ZNF804B: variants seen among roughly 807,000 people sequenced by gnomAD.
ZNF804B encodes zinc finger protein 804B.
In ZNF804B, 80 loss-of-function variants were observed where a neutral mutation model predicts 101.4. The observed-to-expected ratio is 0.79, with a 90% CI of 0.66 to 0.95. The LOEUF is 0.95. Among genes scored for constraint, ZNF804B ranks in the 40% least tolerant of loss-of-function variants. The probability of loss-of-function intolerance (pLI) is 0.00; values close to 1 mark genes in which losing one functional copy is unlikely to be tolerated. For synonymous variants in ZNF804B, 622 were observed against 558.8 expected (o/e 1.11, Z -1.59); for missense variants, 1,673 against 1,561.9 (o/e 1.07, Z -1.20).
intron 1 of ZNF804B, among the ~76,000 whole-genome samples, chr7:88,997,540 C>T (rs899186591): frequency 6.6e-6 from 1 of 151,970 alleles, no homozygotes; most frequent in Non-Finnish European, 1.5e-5. Flanking sequence ...ATTTAAGTGC[C>T]TACATGTGGC....
At chr7:89,101,520 T>G (rs996126606) in intron 1 of ZNF804B, among the ~76,000 whole-genome samples, 1 of 151,892 alleles carries the variant, frequency 6.6e-6, no homozygotes, top group African/African-American at 2.4e-5. Context: ...TATAAAGAAG[T>G]CTAACTCACA....
intron 2 of ZNF804B, among the ~76,000 whole-genome samples, chr7:89,291,882 G>T (rs188260392): frequency 6.6e-6 from 1 of 152,066 alleles, no homozygotes; most frequent in Non-Finnish European, 1.5e-5. Flanking sequence ...CCTAAAAGCA[G>T]CAAGAGAAAA....
Position 89,289,297 on chromosome 7 carries a change from G to A in ZNF804B, c.250-38047G>A, listed in dbSNP as rs370713725. Among the ~76,000 whole-genome samples the A allele has an allele frequency of 6.6e-5, 10 of 152,040 alleles. No individual in the cohort carries two copies. In the South Asian group the frequency reaches 1.0e-3, roughly 16 times the overall value. ...GCAAGATGGCCAAATAGAAGGCTCC[G>A]TTGATCGTCTGCCCCATAGGAACAC... On this transcript the variant is annotated intron_variant, in intron 2 of 3. Coordinates refer to ENST00000333190, the MANE Select transcript of ZNF804B (RefSeq NM_181646.5).
At chr7:89,021,788 G>T (rs560213380) in intron 1 of ZNF804B, among the ~76,000 whole-genome samples, 5 of 152,172 alleles carry the variant, frequency 3.3e-5, no homozygotes, top group Non-Finnish European at 7.4e-5. Flanking sequence ...GGGAGGTAAA[G>T]TGGCTACTGG....
At chr7:88,916,121 A>C (rs1289854206) in intron 1 of ZNF804B, among the ~76,000 whole-genome samples, 1 of 152,102 alleles carries the variant, frequency 6.6e-6, no homozygotes, top group Non-Finnish European at 1.5e-5. Context: ...GTTGGTTTCA[A>C]AGGCTCTTTG....
intron 1 of ZNF804B, among the ~76,000 whole-genome samples, chr7:88,783,560 C>T (rs1790259039): frequency 6.6e-6 from 1 of 152,106 alleles, no homozygotes. Flanking sequence ...AGATGCTGAT[C>T]ATTGTCGAAG....
At chr7:88,809,419 C>T (rs1790747758) in intron 1 of ZNF804B, among the ~76,000 whole-genome samples, 1 of 152,096 alleles carries the variant, frequency 6.6e-6, no homozygotes, top group South Asian at 2.1e-4. Context: ...ATCTACCAAC[C>T]TACCTACCTA....
chr7:89,077,450 G>A (rs1789632405), intron 1 of ZNF804B, among the ~76,000 whole-genome samples: 1 of 151,978 alleles, frequency 6.6e-6, no homozygotes, highest in Admixed American at 6.6e-5. Flanking sequence ...ATCTTATTTA[G>A]AGCAACCTGT....
chr7:89,233,418 T>A (rs1789229586), intron 2 of ZNF804B, among the ~76,000 whole-genome samples: 1 of 152,176 alleles, frequency 6.6e-6, no homozygotes, highest in African/African-American at 2.4e-5. Context: ...ATGTATTTTT[T>A]ATGAAATCCT....
chr7:89,309,759 C>CAAAAAAAAAAAAAAAAAAAAAAAAA (rs397791531), intron 2 of ZNF804B, among the ~76,000 whole-genome samples: 1 of 70,822 alleles, frequency 1.4e-5, no homozygotes, highest in African/African-American at 6.4e-5. Flanking sequence ...GACCCTGTCT[C>CAAAAAAAAAAAAAAAAAAAAAAAAA]AAAAAAAAAA....
intron 1 of ZNF804B, among the ~76,000 whole-genome samples, chr7:88,824,775 C>T (rs568066639): frequency 6.6e-6 from 1 of 152,108 alleles, no homozygotes; most frequent in South Asian, 2.1e-4. Context: ...AACCCTATCC[C>T]AGAATTAAAG....
intron 1 of ZNF804B, among the ~76,000 whole-genome samples, chr7:88,867,436 G>T (rs557509505): frequency 6.6e-6 from 1 of 152,280 alleles, no homozygotes; most frequent in African/African-American, 2.4e-5. Flanking sequence ...GAAAAAGGGT[G>T]TCCCAGATCC....
At chr7:88,770,317 T>C (rs573974843) in intron 1 of ZNF804B, among the ~76,000 whole-genome samples, 1 of 152,250 alleles carries the variant, frequency 6.6e-6, no homozygotes, top group South Asian at 2.1e-4. Flanking sequence ...ACAAGGGTCA[T>C]AAGAGGGAGG....
At chr7:89,148,569 A>T (rs1369028964) in intron 1 of ZNF804B, among the ~76,000 whole-genome samples, 2 of 152,206 alleles carry the variant, frequency 1.3e-5, no homozygotes, top group Admixed American at 1.3e-4. Context: ...TTATGTATTT[A>T]AAAATATTAA....
Position 89,074,774 on chromosome 7 carries a change from A to G in ZNF804B, c.109-143381A>G, listed in dbSNP as rs530921208. Among the ~76,000 whole-genome samples the G allele has an allele frequency of 5.3e-5, 8 of 152,316 alleles. No homozygotes were observed. In the East Asian group the frequency reaches 1.5e-3, roughly 29 times the overall value. ...GGAGGGCACAGAAGAAGACAGGAAA[A>G]TATGGAAAAGTTTGGAATTTCCTAG... On this transcript the variant is annotated intron_variant, in intron 1 of 3. Transcript: ENST00000333190.
chr7:89,166,395 T>G (rs1172594148), intron 1 of ZNF804B, among the ~76,000 whole-genome samples: 1 of 152,198 alleles, frequency 6.6e-6, no homozygotes, highest in Non-Finnish European at 1.5e-5. Context: ...TTTTATATGT[T>G]ATGTGTATCA....
chr7:88,890,668 C>A (rs539621754), intron 1 of ZNF804B, among the ~76,000 whole-genome samples: 1 of 151,964 alleles, frequency 6.6e-6, no homozygotes, highest in Non-Finnish European at 1.5e-5. Flanking sequence ...AATGGAACCA[C>A]GTTTTATGGT....
chr7:88,826,974 C>T (rs1277148321), intron 1 of ZNF804B, among the ~76,000 whole-genome samples: 1 of 151,976 alleles, frequency 6.6e-6, no homozygotes, highest in Non-Finnish European at 1.5e-5. Flanking sequence ...ATTATTCCTA[C>T]CAGATGTCAT....
intron 1 of ZNF804B, among the ~76,000 whole-genome samples, chr7:88,767,544 A>G (rs1396457307): frequency 6.6e-6 from 1 of 152,212 alleles, no homozygotes; most frequent in Non-Finnish European, 1.5e-5. Context: ...AAAAATGGCC[A>G]TGGGGCCTCT....
Sources: gnomAD v4.1 joint callset for allele counts (sites outside exome capture counted in the v4.1 genomes callset) on GRCh38, gnomAD v4.1.1 for gene constraint, MANE v1.5 for transcripts, NCBI Gene and HGNC (gene_info 2026-07-23, HGNC 2026-07-21) for gene names.